SDCCAG8: variants seen among roughly 807,000 people sequenced by gnomAD.
The protein encoded by SDCCAG8 is serologically defined colon cancer antigen 8.
SDCCAG8 carries 74 observed loss-of-function variants against 101.8 expected under a neutral mutation model. The ratio of observed to expected loss-of-function variants is 0.73; its 90% CI spans 0.60 to 0.88. The LOEUF is 0.88. Among genes scored for constraint, SDCCAG8 ranks in the 40% least tolerant of loss-of-function variants. SDCCAG8 has a pLI of 0.00. For synonymous variants in SDCCAG8, 281 were observed against 292.9 expected, an observed-to-expected ratio of 0.96 and a Z score of 0.41; for missense variants, 787 against 822.6, an observed-to-expected ratio of 0.96 and a Z score of 0.53.
chr1:243,268,146 G>C (rs550977601), intron 1 of SDCCAG8: 1 of 633,878 alleles, frequency 1.6e-6, no homozygotes, highest in African/African-American at 1.8e-5. Flanking sequence ...TGTTTCTTCC[G>C]TAATCACCAA....
intron 9 of SDCCAG8, among the ~76,000 whole-genome samples, chr1:243,328,321 C>T (rs2074355582): frequency 6.6e-6 from 1 of 152,066 alleles, no homozygotes; most frequent in Non-Finnish European, 1.5e-5. Context: ...CTCTGTTGCC[C>T]AGGCTGGAGT....
intron 16 of SDCCAG8, among the ~76,000 whole-genome samples, chr1:243,460,802 C>T (rs747427742): frequency 1.8e-4 from 27 of 152,268 alleles, no homozygotes; most frequent in Admixed American, 6.5e-4. Context: ...GCACCCCTGA[C>T]GGCAGCGTGT....
intron 15 of SDCCAG8, among the ~76,000 whole-genome samples, chr1:243,418,516 T>G (rs1262638244): frequency 6.6e-6 from 1 of 152,212 alleles, no homozygotes; most frequent in East Asian, 1.9e-4. Flanking sequence ...GATGGTACTT[T>G]GAAATAAATA....
At chr1:243,495,424 G>A (rs1359522301) in intron 17 of SDCCAG8, among the ~76,000 whole-genome samples, 1 of 152,216 alleles carries the variant, frequency 6.6e-6, no homozygotes, top group Non-Finnish European at 1.5e-5. Context: ...AAGGGAAGGA[G>A]GGCTTTGAAC....
In SDCCAG8 at chr1:243,418,316, CTG is replaced by C. The variant is rs745706522; in HGVS notation, c.1853+243_1853+244del. On this transcript the variant is annotated intron_variant, in intron 15 of 17. Coordinates refer to ENST00000366541, the MANE Select transcript of SDCCAG8 (RefSeq NM_006642.5). ...ACATTTCAATGTTTAGAATTGAAAA[CTG>C]TGAAATTTCAGGAAAGAAGGATCAA... 1.1e-4 allele frequency among the ~76,000 whole-genome samples: 16 copies of C among 152,080 alleles called. No homozygotes were observed. The East Asian group carries it at 2.5e-3, about 24-fold the overall frequency.
Position 243,476,028 on chromosome 1 carries a change from G to A in SDCCAG8, c.1986-12986G>A, listed in dbSNP as rs114239147. On this transcript the variant is annotated intron_variant, in intron 16 of 17. Coordinates refer to ENST00000366541, the MANE Select transcript of SDCCAG8 (RefSeq NM_006642.5). ...GGCCTAATCACTCTGATCTGTCATG[G>A]ACCTTCTAGCTGGAAGAGTTATGCC... 1.1e-3 allele frequency: 1,084 copies of A among 985,436 alleles called. 10 individuals are homozygous for A. The African/African-American group carries it at 0.018, about 16-fold the overall frequency. The allele number at this position is 985,436 out of a possible 1,614,324, so 61.0% of individuals were successfully genotyped here. A position where few individuals can be genotyped will look rare whatever the true frequency, so the allele number is the denominator to read the frequency against.
intron 13 of SDCCAG8, among the ~76,000 whole-genome samples, chr1:243,399,447 C>G (rs1244306044): frequency 6.6e-6 from 1 of 152,112 alleles, no homozygotes; most frequent in Non-Finnish European, 1.5e-5. Context: ...CACAAAGGTT[C>G]TTTAGCTTGC....
intron 6 of SDCCAG8, among the ~76,000 whole-genome samples, chr1:243,304,356 A>T (rs747345260): frequency 7.2e-5 from 11 of 152,206 alleles, no homozygotes; most frequent in Non-Finnish European, 1.6e-4. Context: ...CATATTTATT[A>T]TATGTCAAAT....
At chr1:243,334,780 T>C (rs893611284) in intron 10 of SDCCAG8, among the ~76,000 whole-genome samples, 1 of 151,888 alleles carries the variant, frequency 6.6e-6, no homozygotes, top group South Asian at 2.1e-4. Context: ...TAGAGACAGG[T>C]TTTTGCCATG....
chr1:243,347,668 G>A (rs1287632500), intron 12 of SDCCAG8, among the ~76,000 whole-genome samples: 1 of 152,204 alleles, frequency 6.6e-6, no homozygotes, highest in Admixed American at 6.5e-5. Flanking sequence ...CCCAAAAGGA[G>A]CTTCCTCGCA....
chr1:243,341,063 G>A lies in SDCCAG8; in HGVS notation c.1246G>A (p.Ala416Thr), dbSNP rs2075356458. The A allele has an allele frequency of 9.9e-6, 16 of 1,613,334 alleles. No homozygotes were observed. Among genetic ancestry groups the A allele is most frequent in the Non-Finnish European group, 1.4e-5 (16 of 1,179,330 alleles). ...SKMLILSQNI[A>T]QLEAQVEKVT... ...GATGTTGATCTTGTCTCAGAATATT[G>A]CCCAACTGGAGGCCCAGGTGGAAAA... Residue 416 changes from alanine to threonine, a missense_variant, in exon 11 of 18, where the codon GCC becomes ACC. By Grantham distance (58) the Ala-to-Thr change is moderately conservative. Coordinates refer to ENST00000366541, the MANE Select transcript of SDCCAG8 (RefSeq NM_006642.5).
At chr1:243,279,956 ATATAT>A (rs1371945007) in intron 4 of SDCCAG8, among the ~76,000 whole-genome samples, 3 of 152,198 alleles carry the variant, frequency 2.0e-5, no homozygotes, top group Non-Finnish European at 4.4e-5. Context: ...ATTTTATGAA[ATATAT>A]TATAGATAAT....
chr1:243,484,551 G>C (rs1664391337), intron 16 of SDCCAG8, among the ~76,000 whole-genome samples: 1 of 152,224 alleles, frequency 6.6e-6, no homozygotes. Flanking sequence ...ACGATCATGA[G>C]CCATGTCTAA....
At position 243,256,122 on chromosome 1, in the gene SDCCAG8, A is replaced by G; in HGVS notation, c.-52A>G. 1 of 1,552,226 alleles carries G rather than the reference A, an allele frequency of 6.4e-7. No homozygotes were observed. Among genetic ancestry groups the G allele is most frequent in the Non-Finnish European group, 8.9e-7 (1 of 1,123,598 alleles). On this transcript the variant is annotated 5_prime_UTR_variant, in exon 1 of 18. Coordinates refer to ENST00000366541, the MANE Select transcript of SDCCAG8 (RefSeq NM_006642.5). ...CAGGCCTGTTGTTCTCGGAAGGGAG[A>G]AAGCTGGACATTTCCCCACGTAACT... is the stretch of plus-strand genomic sequence containing the variant.
chr1:243,377,232 T>G (rs2077650440), intron 12 of SDCCAG8, among the ~76,000 whole-genome samples: 1 of 152,134 alleles, frequency 6.6e-6, no homozygotes, highest in South Asian at 2.1e-4. Context: ...AATGAATAAA[T>G]TTTTGAAGTT....
chr1:243,318,062 C>T (rs780230452), intron 9 of SDCCAG8: 11 of 456,274 alleles, frequency 2.4e-5, no homozygotes, highest in East Asian at 1.4e-4. Flanking sequence ...CAAACGTAAA[C>T]GATGGAATTG....
At chr1:243,397,242 G>A (rs2079082247) in intron 13 of SDCCAG8, among the ~76,000 whole-genome samples, 1 of 152,180 alleles carries the variant, frequency 6.6e-6, no homozygotes, top group South Asian at 2.1e-4. Context: ...TGCACAGTGG[G>A]GTAGCTAACA....
chr1:243,285,466 C>T (rs1182512938), intron 4 of SDCCAG8, among the ~76,000 whole-genome samples: 3 of 152,072 alleles, frequency 2.0e-5, no homozygotes, highest in Non-Finnish European at 4.4e-5. Context: ...AATTCAAAGT[C>T]CACAATATTT....
At chr1:243,349,010 C>CAA (rs200574627) in intron 12 of SDCCAG8, among the ~76,000 whole-genome samples, 11 of 127,462 alleles carry the variant, frequency 8.6e-5, no homozygotes, top group Non-Finnish European at 1.6e-4. Context: ...ACAAACAAAA[C>CAA]AAAAAAAAAA....
Sources: gnomAD v4.1 joint callset for allele counts (sites outside exome capture counted in the v4.1 genomes callset) on GRCh38, gnomAD v4.1.1 for gene constraint, MANE v1.5 for transcripts, NCBI Gene and HGNC (gene_info 2026-07-23, HGNC 2026-07-21) for gene names.